Variants in SAMD4A observed in about 807,000 individuals in gnomAD.
The protein encoded by SAMD4A is protein Smaug homolog 1.
SAMD4A carries 33 observed loss-of-function variants against 81.3 expected under a neutral mutation model. That is an observed-to-expected ratio of 0.41 (90% CI 0.31 to 0.54). SAMD4A has a LOEUF of 0.54. SAMD4A is among the 20% of genes least tolerant of loss of function. SAMD4A has a pLI of 0.37. For missense variants in SAMD4A, 854 were observed against 951.1 expected, an observed-to-expected ratio of 0.90 and a Z score of 1.34; for synonymous variants, 389 against 382.1, an observed-to-expected ratio of 1.02 and a Z score of -0.21.
Position 54,623,712 on chromosome 14 carries a change from T to G in SAMD4A, c.196+55600T>G, listed in dbSNP as rs143449437. Among the ~76,000 whole-genome samples, 7 of 152,222 alleles carry G rather than the reference T, an allele frequency of 4.6e-5. No individual in the cohort carries two copies. In the East Asian group the frequency reaches 1.2e-3, roughly 25 times the overall value. ...TATCCATGTAGAAATGTTCTGAACA[T>G]AGCTGGGGGATAACAACATGGGAGG... On this transcript the variant is annotated intron_variant, in intron 2 of 12. Transcript: ENST00000554335.
chr14:54,717,295 AGCC>A (rs1485988875), intron 3 of SAMD4A, among the ~76,000 whole-genome samples: 1 of 152,014 alleles, frequency 6.6e-6, no homozygotes, highest in Non-Finnish European at 1.5e-5. Flanking sequence ...ATAAAAAATT[AGCC>A]AGGTGTGATG....
chr14:54,750,506 TAAG>T (rs2038076220), intron 5 of SAMD4A, among the ~76,000 whole-genome samples: 1 of 152,338 alleles, frequency 6.6e-6, no homozygotes, highest in Non-Finnish European at 1.5e-5. Context: ...GCTACCCAGT[TAAG>T]AAGATAAAAT....
At chr14:54,622,775 C>T (rs1416864850) in intron 2 of SAMD4A, among the ~76,000 whole-genome samples, 3 of 152,206 alleles carry the variant, frequency 2.0e-5, no homozygotes, top group African/African-American at 7.2e-5. Flanking sequence ...GGGAGTTTTG[C>T]TCCTCAAAGG....
chr14:54,789,143 C>A lies in SAMD4A; in HGVS notation c.*199C>A. 2 of 534,796 alleles carry A rather than the reference C, an allele frequency of 3.7e-6. No homozygotes were observed. Among genetic ancestry groups the A allele is most frequent in the Admixed American group, 2.6e-5 (1 of 38,460 alleles). The allele number at this position is 534,796 out of a possible 1,614,324, so 33.1% of individuals were successfully genotyped here. ...GTAGACCTGGGGTTGGTTATTTTGT[C>A]ATTTGTTTCTGTCATGGGATGGTTT... On this transcript the variant is annotated 3_prime_UTR_variant, in exon 13 of 13. Coordinates refer to ENST00000554335, the MANE Select transcript of SAMD4A (RefSeq NM_015589.6).
At chr14:54,691,171 T>C (rs917810031) in intron 2 of SAMD4A, among the ~76,000 whole-genome samples, 9 of 152,204 alleles carry the variant, frequency 5.9e-5, no homozygotes, top group Non-Finnish European at 1.0e-4. Context: ...TACCTTTCCC[T>C]GCCTGAGCCC....
intron 4 of SAMD4A, among the ~76,000 whole-genome samples, chr14:54,739,928 G>C (rs2037804807): frequency 6.6e-6 from 1 of 152,196 alleles, no homozygotes; most frequent in Non-Finnish European, 1.5e-5. Context: ...CCAACACTTT[G>C]GAAGGCTGAG....
In SAMD4A at chr14:54,760,356, G is replaced by A. The variant is rs1311744169; in HGVS notation, c.1372G>A (p.Gly458Ser). The change falls in exon 7 of 13, where the codon GGC (glycine) becomes AGC (serine). Residue 458 changes from glycine to serine, a missense_variant. Physicochemically the swap from Gly to Ser is moderately conservative, Grantham distance 56 (BLOSUM62 0). Around this residue, in one of 3 missense-constraint regions of SAMD4A, gnomAD observed 428 missense variants for 471.2 expected, o/e 0.91. Transcript: ENST00000554335. ...CTGCAAAGATGGGGCCGCAGCCACT[G>A]GCGCCACGGCCACCCCCTCGGCCGG... is the stretch of plus-strand genomic sequence containing the variant. ...PDCKDGAAAT[G>S]ATATPSAGAS... 1 of 1,581,720 alleles carries A rather than the reference G, an allele frequency of 6.3e-7. No individual in the cohort carries two copies. The highest frequency in any genetic ancestry group is 1.4e-5 in the African/African-American group (1 of 72,548).
chr14:54,601,959 A>T (rs2034064359), intron 2 of SAMD4A, among the ~76,000 whole-genome samples: 1 of 152,212 alleles, frequency 6.6e-6, no homozygotes, highest in Non-Finnish European at 1.5e-5. Flanking sequence ...AAAACTCCGA[A>T]GGCATCTGGC....
intron 12 of SAMD4A, 143 bp from the exon 13 acceptor site, chr14:54,788,773 G>A (rs1401934391): frequency 2.3e-5 from 22 of 938,810 alleles, no homozygotes; most frequent in Non-Finnish European, 3.1e-5. Context: ...GGGTGGGTAT[G>A]TAAATGCGTG....
At chr14:54,719,689 G>A (rs1293234907) in intron 3 of SAMD4A, among the ~76,000 whole-genome samples, 1 of 152,156 alleles carries the variant, frequency 6.6e-6, no homozygotes, top group Non-Finnish European at 1.5e-5. Flanking sequence ...ACCTGGGTTT[G>A]AGTCCCAGTT....
At chr14:54,705,049 C>G (rs529291054) in intron 3 of SAMD4A, among the ~76,000 whole-genome samples, 1 of 152,332 alleles carries the variant, frequency 6.6e-6, no homozygotes, top group East Asian at 1.9e-4. Flanking sequence ...TTTAACCTCT[C>G]TGATCAAGGT....
chr14:54,769,226 A>G (rs921840117), intron 8 of SAMD4A, among the ~76,000 whole-genome samples: 2 of 152,116 alleles, frequency 1.3e-5, no homozygotes, highest in African/African-American at 2.4e-5. Context: ...TACAAACACA[A>G]ACTCTCTAGA....
chr14:54,602,388 T>C (rs1430525304), intron 2 of SAMD4A, among the ~76,000 whole-genome samples: 2 of 147,994 alleles, frequency 1.4e-5, no homozygotes, highest in South Asian at 4.3e-4. Flanking sequence ...AACACCAGGA[T>C]AGCACAGACA....
intron 3 of SAMD4A, among the ~76,000 whole-genome samples, chr14:54,705,959 A>G (rs928933727): frequency 1.3e-5 from 2 of 152,252 alleles, no homozygotes; most frequent in African/African-American, 4.8e-5. Context: ...GAGCTGCCAC[A>G]AGGCATATAG....
At chr14:54,611,832 G>A (rs1310108540) in intron 2 of SAMD4A, among the ~76,000 whole-genome samples, 1 of 151,210 alleles carries the variant, frequency 6.6e-6, no homozygotes, top group African/African-American at 2.4e-5. Context: ...AGATGAGATT[G>A]CGCCACTGCA....
At chr14:54,780,069 A>G (rs2038961601) in intron 11 of SAMD4A, among the ~76,000 whole-genome samples, 1 of 152,192 alleles carries the variant, frequency 6.6e-6, no homozygotes, top group Admixed American at 6.5e-5. Flanking sequence ...CTGGCTCAAC[A>G]GTAGGAGATC....
intron 2 of SAMD4A, among the ~76,000 whole-genome samples, chr14:54,646,770 CTCT>C (rs1279811710): frequency 1.3e-5 from 2 of 152,320 alleles, no homozygotes; most frequent in African/African-American, 2.4e-5. Context: ...TGAATTAGAA[CTCT>C]TCTTCTTGTT....
At chr14:54,667,235 G>A (rs751285971) in intron 2 of SAMD4A, among the ~76,000 whole-genome samples, 10 of 152,168 alleles carry the variant, frequency 6.6e-5, no homozygotes, top group South Asian at 2.1e-4. Flanking sequence ...AGACAAAGTC[G>A]TTAGCTCAGG....
chr14:54,694,606 G>C (rs1048359199), intron 2 of SAMD4A: 3 of 985,584 alleles, frequency 3.0e-6, no homozygotes, highest in Non-Finnish European at 3.6e-6. Flanking sequence ...TACAAACGTG[G>C]AGTTGTCTGC....
Sources: gnomAD v4.1 joint callset for allele counts (sites outside exome capture counted in the v4.1 genomes callset) on GRCh38, gnomAD v4.1.1 for gene constraint, gnomAD v4.1.1 regional missense constraint, MANE v1.5 for transcripts, NCBI Gene and HGNC (gene_info 2026-07-23, HGNC 2026-07-21) for gene names.